Variants in DOCK6 observed in about 807,000 individuals in gnomAD.
DOCK6 encodes dedicator of cytokinesis protein 6.
Under a neutral mutation model 230.3 loss-of-function variants are expected in DOCK6, and 167 were observed. The ratio of observed to expected loss-of-function variants is 0.73; its 90% confidence interval spans 0.64 to 0.82. The LOEUF is 0.82. DOCK6 is among the 40% of genes least tolerant of loss of function. The pLI is 0.00. For missense variants in DOCK6, 2,598 were observed against 2,825.8 expected (o/e 0.92, Z 1.83); for synonymous variants, 1,148 against 1,185.0 (o/e 0.97, Z 0.64).
chr19:11,206,795 C>G (rs1259703503), intron 39 of DOCK6, among the ~76,000 whole-genome samples: 1 of 150,620 alleles, frequency 6.6e-6, no homozygotes, highest in Non-Finnish European at 1.5e-5. Context: ...ACAGGGGGTA[C>G]TTGTGGGAGT....
chr19:11,249,584 T>C (rs945214208), intron 6 of DOCK6, among the ~76,000 whole-genome samples: 3 of 150,746 alleles, frequency 2.0e-5, no homozygotes, highest in African/African-American at 7.3e-5. Context: ...TAGGAGTATA[T>C]AGTAGGTGTC....
chr19:11,239,522 C>A, intron 14 of DOCK6: 2 of 1,297,100 alleles, frequency 1.5e-6, no homozygotes, highest in South Asian at 2.6e-5. Flanking sequence ...CTGCCAGGCC[C>A]TTGTGCAATG....
Position 11,243,945 on chromosome 19 carries a change from C to A in DOCK6, c.1024-63G>T. On this transcript the variant is annotated intron_variant, in intron 9 of 47. Coordinates refer to ENST00000294618, the MANE Select transcript of DOCK6 (RefSeq NM_020812.4). The surrounding 1 kb of genome is among the most constrained non-coding windows in gnomAD (Gnocchi z 6.3). ...CGAACGCTCTGTTCCCCCGTGCTGG[C>A]TCCCCAGCCTCCTGGACCCCTCATG... 1 of 1,533,478 alleles carries A rather than the reference C, an allele frequency of 6.5e-7. No individual in the cohort carries two copies. Among genetic ancestry groups the A allele is most frequent in the Non-Finnish European group, 8.9e-7 (1 of 1,128,986 alleles). 95.0% of individuals were successfully genotyped at this position (1,533,478 alleles called of 1,614,324 possible). A position where few individuals can be genotyped will look rare whatever the true frequency, so the allele number is the denominator to read the frequency against.
chr19:11,209,899 C>G (rs990015066), intron 37 of DOCK6, among the ~76,000 whole-genome samples: 2 of 129,198 alleles, frequency 1.5e-5, no homozygotes, highest in African/African-American at 5.9e-5. Context: ...CCTCACCTGT[C>G]CACCCCCTCA....
intron 23 of DOCK6, among the ~76,000 whole-genome samples, 180 bp from the exon 24 acceptor site, chr19:11,227,657 G>A (rs572079310): frequency 6.6e-6 from 1 of 151,878 alleles, no homozygotes; most frequent in South Asian, 2.1e-4. Flanking sequence ...CAATGGAGGT[G>A]GGCTGAAGGT....
rs779357078 is a variant in DOCK6 at position 11,252,106 on chromosome 19, G to C, written c.507+13C>G. The C allele has an allele frequency of 6.3e-7, 1 of 1,585,440 alleles. No individual in the cohort carries two copies. The highest frequency in any genetic ancestry group is 1.2e-5 in the South Asian group (1 of 86,508). On this transcript the variant is annotated intron_variant, in intron 5 of 47. Coordinates refer to ENST00000294618, the MANE Select transcript of DOCK6 (RefSeq NM_020812.4). ...CATACCCCTTCAGTGACCCCAGCCA[G>C]GGGCTTCCTCACCGAGTCCTCAGGG...
intron 18 of DOCK6, 120 bp downstream of exon 18, chr19:11,237,336 G>T: frequency 9.8e-7 from 1 of 1,020,856 alleles, no homozygotes; most frequent in Non-Finnish European, 1.5e-6. Flanking sequence ...GCTACACGGG[G>T]GCCCTGGAGG....
rs759647768 is a variant in DOCK6 at position 11,221,835 on chromosome 19, C to T, written c.3550+16G>A. The T allele has an allele frequency of 1.2e-5, 20 of 1,613,620 alleles. No individual in the cohort carries two copies. The highest frequency in any genetic ancestry group is 1.6e-5 in the Non-Finnish European group (19 of 1,179,894). ...TCCCTGGATCATGTGACCCCATCTT[C>T]CCCTGGCCCACTGACCAGCAAAGTC... On this transcript the variant is annotated intron_variant, in intron 28 of 47. Transcript: ENST00000294618.
At position 11,253,744 on chromosome 19, in the gene DOCK6, G is replaced by T. The variant is rs762353448; in HGVS notation, c.45-18C>A. On this transcript the variant is annotated intron_variant, in intron 1 of 47. Transcript: ENST00000294618. ...CCACCGTCCTGGAAAGATAGGGAGG[G>T]GGCCATTGGGGACGGGAAAACTCAG... 29 of 1,458,036 alleles carry T rather than the reference G, an allele frequency of 2.0e-5. No individual in the cohort carries two copies. Among genetic ancestry groups the T allele is most frequent in the African/African-American group, 3.0e-5 (2 of 66,886 alleles). 90.3% of individuals were successfully genotyped at this position (1,458,036 alleles called of 1,614,324 possible).
Position 11,202,672 on chromosome 19 carries a change from C to G in DOCK6, c.5273G>C (p.Gly1758Ala). 1 of 1,613,990 alleles carries G rather than the reference C, an allele frequency of 6.2e-7. No homozygotes were observed. ...CTCATCCAGGTCACCGAAGTGGGCGCCGTAGAAGCCCACGCGGAAATACGT... is the reference window on the plus strand; with the variant it reads ...CTCATCCAGGTCACCGAAGTGGGCGGCGTAGAAGCCCACGCGGAAATACGT... ...FGTYFRVGFYGAHFGDLDEQE... is the reference protein window; with the variant it reads ...FGTYFRVGFYAAHFGDLDEQE... Residue 1758 changes from glycine (G) to alanine (A), a missense_variant, in exon 42 of 48, where the codon GGC (glycine) becomes GCC (alanine). By Grantham distance (60) the Gly-to-Ala change is moderately conservative (BLOSUM62 0). Coordinates refer to ENST00000294618, the MANE Select transcript of DOCK6 (RefSeq NM_020812.4). This position sits in a 1 kb window ranked among gnomAD's most constrained non-coding sequence, Gnocchi z 5.3.
intron 1 of DOCK6, among the ~76,000 whole-genome samples, chr19:11,259,902 G>A (rs867421975): frequency 3.0e-4 from 2 of 6,732 alleles, no homozygotes; most frequent in African/African-American, 3.8e-4. Context: ...TTTTTTTTTT[G>A]AGACAGAGTC....
chr19:11,218,049 A>T (rs2079522321), intron 28 of DOCK6, among the ~76,000 whole-genome samples: 1 of 151,760 alleles, frequency 6.6e-6, no homozygotes, highest in Non-Finnish European at 1.5e-5. Flanking sequence ...ACGGGGTTTC[A>T]CCATGTTGGC....
chr19:11,210,434 C>T (rs964186523), intron 37 of DOCK6, among the ~76,000 whole-genome samples: 2 of 147,430 alleles, frequency 1.4e-5, no homozygotes, highest in African/African-American at 5.0e-5. Flanking sequence ...GCCTGTTCAC[C>T]CCTTCACCTG....
chr19:11,256,301 C>T (rs1464265107), intron 1 of DOCK6, among the ~76,000 whole-genome samples: 3 of 152,148 alleles, frequency 2.0e-5, no homozygotes, highest in Admixed American at 1.3e-4. Context: ...TGCCCTGGTC[C>T]CAGCTGTTCT....
rs868514448 is a variant in DOCK6, at chr19:11,243,632, C to T, written c.1183G>A (p.Ala395Thr). The T allele has an allele frequency of 1.2e-5, 20 of 1,612,426 alleles. No homozygotes were observed. Among genetic ancestry groups the T allele is most frequent in the East Asian group, 4.5e-5 (2 of 44,864 alleles). ...TRLGRYRMPF[A>T]WTAVHLANIV... ...TTGGCCAAGTGCACGGCCGTCCAGG[C>T]GAAGGGCATGCGGTAGCGGCCCAGG... Residue 395 changes from alanine to threonine, a missense_variant, in exon 11 of 48, where the codon GCC becomes ACC. Ala to Thr is a moderately conservative substitution (Grantham distance 58). Coordinates refer to ENST00000294618, the MANE Select transcript of DOCK6 (RefSeq NM_020812.4). The surrounding 1 kb of genome is among the most constrained non-coding windows in gnomAD (Gnocchi z 6.3).
chr19:11,258,376 T>G (rs2080229303), intron 1 of DOCK6, among the ~76,000 whole-genome samples: 1 of 152,058 alleles, frequency 6.6e-6, no homozygotes, highest in African/African-American at 2.4e-5. Context: ...ATTTCCTCAT[T>G]TCCTTGCCCT....
chr19:11,238,555 A>G (rs1278047949), intron 14 of DOCK6: 1 of 498,144 alleles, frequency 2.0e-6, no homozygotes, highest in African/African-American at 1.9e-5. Context: ...GAGGGTGGGA[A>G]TACAGAAGGA....
At position 11,208,742 on chromosome 19, in the gene DOCK6, AG is replaced by A; in HGVS notation, c.5031del (p.Phe1678SerfsTer7). ...AACCCTACCAGCCCCAGCTCAGTGA[AG>A]TGCTTCCCGGAGCAGAAGCCCTCCT... ...PDEEGFCSGK[H>X]FTELGLVGLL... On this transcript the variant is annotated frameshift_variant, in exon 39 of 48. Coordinates refer to ENST00000294618, the MANE Select transcript of DOCK6 (RefSeq NM_020812.4). LOFTEE classifies it high-confidence loss of function. 1 of 1,613,696 alleles carries A rather than the reference AG, an allele frequency of 6.2e-7. No homozygotes were observed. Among genetic ancestry groups the A allele is most frequent in the Non-Finnish European group, 8.5e-7 (1 of 1,179,734 alleles).
intron 24 of DOCK6, among the ~76,000 whole-genome samples, chr19:11,223,983 T>C (rs2079621864): frequency 6.6e-6 from 1 of 152,066 alleles, no homozygotes; most frequent in Non-Finnish European, 1.5e-5. Flanking sequence ...ACTGAGCATC[T>C]ACTCTGTGCC....
Sources: allele counts gnomAD v4.1 joint callset (sites outside exome capture counted in the v4.1 genomes callset), GRCh38; gene constraint gnomAD v4.1.1; non-coding constraint Gnocchi (gnomAD v3.1); transcripts MANE v1.5; gene names NCBI Gene and HGNC (gene_info 2026-07-23, HGNC 2026-07-21).